The following SEMA3C variants were observed in gnomAD, a reference collection of about 807,000 sequenced individuals.
SEMA3C encodes the protein semaphorin-3C.
In SEMA3C, 47 loss-of-function variants were observed where a neutral mutation model predicts 89.4. The observed-to-expected ratio is 0.53, with a 90% CI of 0.42 to 0.67. SEMA3C has a LOEUF of 0.67. Ranked by LOEUF, SEMA3C falls within the 30% of genes least tolerant of loss-of-function variation. SEMA3C has a pLI of 0.00. For missense variants in SEMA3C, 839 were observed against 929.1 expected, an observed-to-expected ratio of 0.90 and a Z score of 1.26; for synonymous variants, 310 against 320.2, an observed-to-expected ratio of 0.97 and a Z score of 0.34.
At chr7:80,825,549 T>C (rs552730782) in intron 4 of SEMA3C, among the ~76,000 whole-genome samples, 17 of 152,290 alleles carry the variant, frequency 1.1e-4, no homozygotes, top group Admixed American at 6.5e-4. Context: ...GTTTCTACTT[T>C]GACAAAGGAA....
chr7:80,861,464 A>G (rs1221944408), intron 2 of SEMA3C, among the ~76,000 whole-genome samples: 1 of 152,306 alleles, frequency 6.6e-6, no homozygotes, highest in African/African-American at 2.4e-5. Context: ...TTTAGAAGTT[A>G]CTTCATTGTA....
chr7:80,890,613 C>T (rs1019960105), intron 2 of SEMA3C, among the ~76,000 whole-genome samples: 1 of 152,094 alleles, frequency 6.6e-6, no homozygotes, highest in Non-Finnish European at 1.5e-5. Context: ...GGTGGCTGAA[C>T]TTTCCCCAAC....
At chr7:80,916,485 C>A (rs113667248) in intron 2 of SEMA3C, among the ~76,000 whole-genome samples, 194 bp downstream of exon 2, 1 of 152,116 alleles carries the variant, frequency 6.6e-6, no homozygotes, top group East Asian at 1.9e-4. Flanking sequence ...TTCATAAATA[C>A]CTCAAATCCA....
At chr7:80,843,646 G>T (rs1790323244) in intron 2 of SEMA3C, among the ~76,000 whole-genome samples, 1 of 152,120 alleles carries the variant, frequency 6.6e-6, no homozygotes, top group Non-Finnish European at 1.5e-5. Context: ...GCAAAGACAA[G>T]AGTTTCAATT....
intron 2 of SEMA3C, among the ~76,000 whole-genome samples, chr7:80,862,053 T>TAA (rs1253114001): frequency 6.6e-6 from 1 of 152,086 alleles, no homozygotes; most frequent in Non-Finnish European, 1.5e-5. Context: ...TGCACACTCT[T>TAA]ACCACTCCTC....
At chr7:80,795,454 A>T (rs1583884816) in intron 11 of SEMA3C, among the ~76,000 whole-genome samples, 1 of 152,258 alleles carries the variant, frequency 6.6e-6, no homozygotes, top group South Asian at 2.1e-4. Context: ...ATATTTCTCA[A>T]ATCCTGACTA....
At chr7:80,814,195 A>G (rs1285672566) in intron 5 of SEMA3C, among the ~76,000 whole-genome samples, 2 of 150,980 alleles carry the variant, frequency 1.3e-5, no homozygotes, top group African/African-American at 4.9e-5. Context: ...GGTTCACGCC[A>G]TTCTCCTGCC....
At chr7:80,914,937 G>C (rs549497607) in intron 2 of SEMA3C, among the ~76,000 whole-genome samples, 1 of 152,258 alleles carries the variant, frequency 6.6e-6, no homozygotes, top group Admixed American at 6.5e-5. Flanking sequence ...TGTAAAATAT[G>C]AATTGCAATT....
At chr7:80,828,304 G>T (rs954334228) in intron 3 of SEMA3C, among the ~76,000 whole-genome samples, 2 of 151,852 alleles carry the variant, frequency 1.3e-5, no homozygotes, top group Admixed American at 1.3e-4. Context: ...TTTCTTTCAT[G>T]CACTACCCTA....
chr7:80,794,772 G>A (rs940469445), intron 11 of SEMA3C, among the ~76,000 whole-genome samples: 4 of 152,114 alleles, frequency 2.6e-5, no homozygotes, highest in African/African-American at 7.2e-5. Context: ...ATGTTTGCTC[G>A]GCCACAGAGT....
chr7:80,748,555 T>G (rs955275839), intron 17 of SEMA3C, among the ~76,000 whole-genome samples: 16 of 152,196 alleles, frequency 1.1e-4, no homozygotes, highest in African/African-American at 3.9e-4. Flanking sequence ...CCTTTTATCT[T>G]GTGAATCACA....
chr7:80,749,738 A>C (rs2117029281), intron 16 of SEMA3C, among the ~76,000 whole-genome samples: 1 of 152,320 alleles, frequency 6.6e-6, no homozygotes, highest in African/African-American at 2.4e-5. Flanking sequence ...TAGTATTGCC[A>C]GGTGGTAGCT....
At chr7:80,894,566 C>A (rs906139773) in intron 2 of SEMA3C, among the ~76,000 whole-genome samples, 1 of 152,120 alleles carries the variant, frequency 6.6e-6, no homozygotes, top group Non-Finnish European at 1.5e-5. Flanking sequence ...TGCATTAGCA[C>A]TGGGGGTTTG....
At chr7:80,802,550 G>A in intron 9 of SEMA3C, 115 bp downstream of exon 9, 1 of 616,514 alleles carries the variant, frequency 1.6e-6, no homozygotes, top group Non-Finnish European at 2.8e-6. Context: ...TTTTAAATTA[G>A]CATATTATTT....
chr7:80,918,016 T>C (rs1792318807), intron 1 of SEMA3C, among the ~76,000 whole-genome samples: 1 of 152,182 alleles, frequency 6.6e-6, no homozygotes, highest in Non-Finnish European at 1.5e-5. Flanking sequence ...ATTGTACGCT[T>C]CTTTTACCAC....
chr7:80,850,179 G>C (rs1277612142), intron 2 of SEMA3C, among the ~76,000 whole-genome samples: 1 of 152,020 alleles, frequency 6.6e-6, no homozygotes, highest in East Asian at 1.9e-4. Context: ...AGAACAACTA[G>C]AATTATCATA....
chr7:80,889,932 T>C (rs942226510), intron 2 of SEMA3C, among the ~76,000 whole-genome samples: 3 of 152,148 alleles, frequency 2.0e-5, no homozygotes, highest in African/African-American at 7.2e-5. Context: ...AGTCAAACTA[T>C]TGTTTCTGGG....
At chr7:80,827,631 T>A in intron 3 of SEMA3C, 144 bp from the exon 4 acceptor site, 1 of 474,478 alleles carries the variant, frequency 2.1e-6, no homozygotes, top group Non-Finnish European at 3.6e-6. Flanking sequence ...ATCAATTCAT[T>A]AATAAAGATT....
chr7:80,874,447 G>C (rs1187639157), intron 2 of SEMA3C, among the ~76,000 whole-genome samples: 1 of 146,518 alleles, frequency 6.8e-6, no homozygotes, highest in Non-Finnish European at 1.5e-5. Flanking sequence ...ACCATAGCAA[G>C]TTATTTATTT....
Sources: gnomAD v4.1 joint callset for allele counts (sites outside exome capture counted in the v4.1 genomes callset) on GRCh38, gnomAD v4.1.1 for gene constraint, MANE v1.5 for transcripts, NCBI Gene and HGNC (gene_info 2026-07-23, HGNC 2026-07-21) for gene names.